IKZF3: variants seen among roughly 807,000 people sequenced by gnomAD.
IKZF3 encodes IKAROS family zinc finger 3, also known as zinc finger protein Aiolos.
IKZF3 carries 10 observed loss-of-function variants against 49.0 expected under a neutral mutation model. The observed-to-expected ratio is 0.20, with a 90% CI of 0.13 to 0.35. IKZF3 has a LOEUF of 0.35. Among genes scored for constraint, IKZF3 ranks in the 10% least tolerant of loss-of-function variants. The pLI is 1.00. For synonymous variants in IKZF3, 209 were observed against 228.2 expected (o/e 0.92, Z 0.76); for missense variants, 498 against 664.8 (o/e 0.75, Z 2.76).
chr17:39,773,310 G>A (rs1156682614), intron 7 of IKZF3, among the ~76,000 whole-genome samples: 1 of 152,220 alleles, frequency 6.6e-6, no homozygotes, highest in Non-Finnish European at 1.5e-5. Context: ...TGGTAAAAGA[G>A]CCTCACTGGT....
intron 1 of IKZF3, among the ~76,000 whole-genome samples, chr17:39,841,264 G>C (rs1475326694): frequency 6.6e-6 from 1 of 152,088 alleles, no homozygotes; most frequent in Non-Finnish European, 1.5e-5. Context: ...ATGCAGGGAG[G>C]AGGACTGCCT....
chr17:39,782,017 C>G (rs2060755570), intron 6 of IKZF3, among the ~76,000 whole-genome samples: 2 of 152,212 alleles, frequency 1.3e-5, no homozygotes, highest in South Asian at 4.1e-4. Context: ...CACCCTCTTT[C>G]TGGGTCATTC....
chr17:39,853,259 C>CA (rs375062584), intron 1 of IKZF3, among the ~76,000 whole-genome samples: 35 of 151,836 alleles, frequency 2.3e-4, no homozygotes, highest in African/African-American at 8.2e-4. Context: ...ATATGTGACA[C>CA]AAAAAAGGTA....
chr17:39,819,411 G>T (rs753195736), intron 3 of IKZF3, among the ~76,000 whole-genome samples: 4 of 152,104 alleles, frequency 2.6e-5, no homozygotes, highest in Non-Finnish European at 4.4e-5. Flanking sequence ...CATTCTGAGT[G>T]AGACTCCATG....
At chr17:39,791,205 G>T (rs1308533335) in intron 5 of IKZF3, among the ~76,000 whole-genome samples, 1 of 152,122 alleles carries the variant, frequency 6.6e-6, no homozygotes, top group African/African-American at 2.4e-5. Context: ...TGGGTGCAAG[G>T]ATGGTGAGGA....
intron 3 of IKZF3, among the ~76,000 whole-genome samples, chr17:39,821,360 A>T (rs2061806081): frequency 6.6e-6 from 1 of 152,174 alleles, no homozygotes; most frequent in Non-Finnish European, 1.5e-5. Flanking sequence ...GCCCAGGCTC[A>T]CAGAAACATA....
chr17:39,839,259 A>G (rs2062396223), intron 1 of IKZF3: 1 of 359,470 alleles, frequency 2.8e-6, no homozygotes, highest in Non-Finnish European at 5.2e-6. Context: ...TATATTCCCA[A>G]TAAAACATGT....
intron 3 of IKZF3, among the ~76,000 whole-genome samples, chr17:39,797,896 A>T (rs769389116): frequency 2.6e-5 from 4 of 152,068 alleles, no homozygotes; most frequent in Non-Finnish European, 4.4e-5. Context: ...GCTTCGACTA[A>T]CATCTTATAT....
At chr17:39,799,226 G>A (rs1479922891) in intron 3 of IKZF3, among the ~76,000 whole-genome samples, 1 of 152,056 alleles carries the variant, frequency 6.6e-6, no homozygotes, top group African/African-American at 2.4e-5. Flanking sequence ...TAGATGCAGT[G>A]CCCTACATAA....
intron 1 of IKZF3, among the ~76,000 whole-genome samples, chr17:39,846,586 GT>G (rs2062640616): frequency 6.6e-6 from 1 of 150,760 alleles, no homozygotes. Context: ...AATGGCAGGA[GT>G]CTAGTTAATT....
Position 39,766,215 on chromosome 17 carries a change from T to C in IKZF3, c.1105A>G (p.Lys369Glu). The stretch of plus-strand genomic sequence containing the variant: ...AGGCCTCTCTCAGAAGGCACGCTCT[T>C]CTCTGGAAGGTGGATGCTTTTCTTT... ...LEKKSIHLPE[K>E]SVPSERGLSP... The change falls in exon 8 of 8, where the codon AAG becomes GAG. Residue 369 changes from lysine to glutamate, a missense_variant. Coordinates refer to ENST00000346872, the MANE Select transcript of IKZF3 (RefSeq NM_012481.5). 1 of 1,614,164 alleles carries C rather than the reference T, an allele frequency of 6.2e-7. No individual in the cohort carries two copies. Among genetic ancestry groups the C allele is most frequent in the Non-Finnish European group, 8.5e-7 (1 of 1,180,030 alleles).
At chr17:39,778,438 C>T (rs1270317459) in intron 6 of IKZF3, among the ~76,000 whole-genome samples, 1 of 152,110 alleles carries the variant, frequency 6.6e-6, no homozygotes, top group Non-Finnish European at 1.5e-5. Context: ...CTAAGCAACA[C>T]TTCTGCCTTG....
In IKZF3 at chr17:39,763,052, G is replaced by A. The variant is rs1346154447; in HGVS notation, c.*2738C>T. 2 of 152,290 alleles carry A rather than the reference G, an allele frequency of 1.3e-5. No homozygotes were observed. Among genetic ancestry groups the A allele is most frequent in the Middle Eastern group, 3.4e-3 (1 of 294 alleles). 9.4% of individuals were successfully genotyped at this position (152,290 alleles called of 1,614,324 possible). ...ACAGGATGTGCGATATTTCAAGAAC[G>A]TAATGAGCAACTCCTCTTTCACAAA... On this transcript the variant is annotated 3_prime_UTR_variant, in exon 8 of 8. Transcript: ENST00000346872.
At chr17:39,804,476 G>C (rs1389739747) in intron 3 of IKZF3, among the ~76,000 whole-genome samples, 3 of 151,630 alleles carry the variant, frequency 2.0e-5, no homozygotes, top group Admixed American at 6.6e-5. Context: ...TTGAATGAAT[G>C]AATGAATGAA....
intron 6 of IKZF3, among the ~76,000 whole-genome samples, chr17:39,782,973 C>T (rs2060782008): frequency 6.6e-6 from 1 of 152,090 alleles, no homozygotes; most frequent in Non-Finnish European, 1.5e-5. Flanking sequence ...ACCTTTATTC[C>T]CTGTATAAGT....
intron 3 of IKZF3, among the ~76,000 whole-genome samples, chr17:39,817,400 T>C (rs2061700954): frequency 6.6e-6 from 1 of 152,230 alleles, no homozygotes; most frequent in South Asian, 2.1e-4. Context: ...TAAATTCCCC[T>C]AATTACCTTT....
At chr17:39,805,848 T>C (rs2061421274) in intron 3 of IKZF3, among the ~76,000 whole-genome samples, 1 of 152,322 alleles carries the variant, frequency 6.6e-6, no homozygotes, top group Non-Finnish European at 1.5e-5. Flanking sequence ...AAAACTAGAA[T>C]AGAATCTGGC....
At chr17:39,845,891 A>G (rs1199491710) in intron 1 of IKZF3, among the ~76,000 whole-genome samples, 1 of 152,232 alleles carries the variant, frequency 6.6e-6, no homozygotes, top group Non-Finnish European at 1.5e-5. Flanking sequence ...TTCAGAGGGT[A>G]AAAATATCGA....
chr17:39,814,893 AACTAAG>A (rs2061643625), intron 3 of IKZF3, among the ~76,000 whole-genome samples: 1 of 152,162 alleles, frequency 6.6e-6, no homozygotes, highest in Non-Finnish European at 1.5e-5. Context: ...AGCCCTGGAA[AACTAAG>A]ACAGAGGGTA....
Sources: allele counts gnomAD v4.1 joint callset (sites outside exome capture counted in the v4.1 genomes callset), GRCh38; gene constraint gnomAD v4.1.1; transcripts MANE v1.5; gene names NCBI Gene and HGNC (gene_info 2026-07-23, HGNC 2026-07-21).